TENM4: variants seen among roughly 807,000 people sequenced by gnomAD.
TENM4 encodes the protein teneurin-4.
TENM4 carries 82 observed loss-of-function variants against 243.3 expected under a neutral mutation model. That is an observed-to-expected ratio of 0.34 (90% CI 0.28 to 0.40). The LOEUF (loss-of-function observed/expected upper bound fraction) is 0.40. Ranked by LOEUF, TENM4 falls within the 10% of genes least tolerant of loss-of-function variation. The pLI, the probability that TENM4 is intolerant of heterozygous loss-of-function variation, is 1.00. For synonymous variants in TENM4, 1,412 were observed against 1,456.3 expected (o/e 0.97, Z 0.69); for missense variants, 3,138 against 3,673.3 (o/e 0.85, Z 3.77).
At chr11:79,361,486 C>A (rs1857588260) in intron 1 of TENM4, among the ~76,000 whole-genome samples, 2 of 152,318 alleles carry the variant, frequency 1.3e-5, no homozygotes, top group South Asian at 2.1e-4. Context: ...CTTCTCTTCA[C>A]CCCTTAGACT....
chr11:79,306,835 C>T (rs575358863), intron 1 of TENM4, among the ~76,000 whole-genome samples: 1 of 152,224 alleles, frequency 6.6e-6, no homozygotes, highest in East Asian at 1.9e-4. Flanking sequence ...CCAATGATGC[C>T]CCCTCTGTAC....
At chr11:78,842,605 G>C (rs1264521698) in intron 12 of TENM4, among the ~76,000 whole-genome samples, 1 of 152,206 alleles carries the variant, frequency 6.6e-6, no homozygotes, top group Non-Finnish European at 1.5e-5. Flanking sequence ...TCATTTTCCA[G>C]GCTCTCCTCT....
intron 1 of TENM4, among the ~76,000 whole-genome samples, chr11:79,411,750 A>C (rs752119736): frequency 1.3e-5 from 2 of 152,208 alleles, no homozygotes; most frequent in Non-Finnish European, 2.9e-5. Context: ...AAGCTCAGGA[A>C]GAATTTGTTC....
Position 78,854,178 on chromosome 11 carries a change from G to A in TENM4, c.1607C>T (p.Ser536Leu). 6.4e-7 allele frequency: 1 copy of A among 1,551,716 alleles called. No homozygotes were observed. The highest frequency in any genetic ancestry group is 8.7e-7 in the Non-Finnish European group (1 of 1,146,970). ...HETGFIQYLD[S>L]GIWHLAFYND... The stretch of plus-strand genomic sequence containing the variant: ...GTAAAAAGCCAAGTGCCAGATTCCT[G>A]AATCCAAATACTGGATGAAGCCTGT... Residue 536 changes from serine (S) to leucine (L), a missense_variant, in exon 12 of 34, where the codon TCA (serine) becomes TTA (leucine). This residue lies in a region of TENM4 where 2,467 missense variants were observed against 3,059.1 expected (regional missense o/e 0.81). Coordinates refer to ENST00000278550, the MANE Select transcript of TENM4 (RefSeq NM_001098816.3).
At chr11:78,929,148 C>T (rs1189401032) in intron 6 of TENM4, among the ~76,000 whole-genome samples, 1 of 152,140 alleles carries the variant, frequency 6.6e-6, no homozygotes, top group Non-Finnish European at 1.5e-5. Flanking sequence ...GCCCCATTTG[C>T]CTATAAATCT....
rs187997003 is a variant in TENM4 at position 79,314,507 on chromosome 11, G to A, written c.-320-16964C>T. ...GCTCCAGCACAACCCTGGATCTAGC[G>A]CAGACCCCAACAGGGGAAAACAAGA... On this transcript the variant is annotated intron_variant, in intron 1 of 33. Transcript: ENST00000278550. Among the ~76,000 whole-genome samples the A allele has an allele frequency of 6.6e-5, 10 of 152,232 alleles. 1 individual carries two copies. The highest frequency in any genetic ancestry group is 3.9e-4 in the East Asian group (2 of 5,160).
chr11:79,393,877 G>C (rs1385741577), intron 1 of TENM4, among the ~76,000 whole-genome samples: 2 of 152,218 alleles, frequency 1.3e-5, no homozygotes, highest in South Asian at 4.1e-4. Context: ...GCAGATGGCT[G>C]TCTGGCTCTG....
chr11:79,198,334 A>G (rs1863674597), intron 3 of TENM4, among the ~76,000 whole-genome samples: 1 of 152,100 alleles, frequency 6.6e-6, no homozygotes, highest in South Asian at 2.1e-4. Flanking sequence ...CATAAACTAA[A>G]CAAGTGTCCA....
intron 6 of TENM4, among the ~76,000 whole-genome samples, chr11:78,933,680 G>A (rs1040941244): frequency 1.3e-5 from 2 of 152,170 alleles, no homozygotes; most frequent in Non-Finnish European, 2.9e-5. Context: ...GGTTCACTCT[G>A]GGGAGGCAGT....
At position 79,060,230 on chromosome 11, in the gene TENM4, A is replaced by G. The variant is rs562901934; in HGVS notation, c.493+4508T>C. On this transcript the variant is annotated intron_variant, in intron 6 of 33. Coordinates refer to ENST00000278550, the MANE Select transcript of TENM4 (RefSeq NM_001098816.3). ...GCCTGTTGGCCTCTCACGGCAGGGG[A>G]GGAGAGGCCTGAGGGCTGGCTCTGC... 1.8e-3 allele frequency among the ~76,000 whole-genome samples: 267 copies of G among 152,310 alleles called. 2 individuals carry two copies. The highest frequency in any genetic ancestry group is 6.2e-3 in the African/African-American group (257 of 41,572).
chr11:78,763,227 T>C (rs1391307384), intron 18 of TENM4, among the ~76,000 whole-genome samples: 4 of 152,234 alleles, frequency 2.6e-5, no homozygotes, highest in African/African-American at 9.6e-5. Context: ...AATTTCATTT[T>C]TCCTCATAGT....
intron 6 of TENM4, among the ~76,000 whole-genome samples, chr11:78,971,878 C>T (rs865793721): frequency 2.0e-5 from 3 of 151,994 alleles, no homozygotes; most frequent in Admixed American, 1.3e-4. Flanking sequence ...TGATATCACA[C>T]AGATATTGTA....
intron 1 of TENM4, among the ~76,000 whole-genome samples, chr11:79,391,869 A>C (rs1191806886): frequency 5.3e-5 from 8 of 152,222 alleles, no homozygotes; most frequent in Non-Finnish European, 1.2e-4. Flanking sequence ...TATTATTTCT[A>C]TGGGACAGCT....
chr11:79,436,831 C>G (rs550970218), intron 1 of TENM4, among the ~76,000 whole-genome samples: 1 of 152,298 alleles, frequency 6.6e-6, no homozygotes, highest in Admixed American at 6.5e-5. Context: ...AAAACCAAAG[C>G]TCTCCGTCCC....
intron 6 of TENM4, among the ~76,000 whole-genome samples, chr11:78,923,551 T>G (rs1050848933): frequency 2.0e-4 from 30 of 152,104 alleles, no homozygotes; most frequent in African/African-American, 7.2e-4. Context: ...TTATTTTTAT[T>G]TTTTGAGACA....
At chr11:78,900,785 C>T (rs1221851809) in intron 7 of TENM4, among the ~76,000 whole-genome samples, 1 of 152,170 alleles carries the variant, frequency 6.6e-6, no homozygotes, top group African/African-American at 2.4e-5. Flanking sequence ...ATTCTGTCCA[C>T]CTTGCCAAGG....
intron 2 of TENM4, among the ~76,000 whole-genome samples, chr11:79,254,324 A>T (rs1855664110): frequency 6.6e-6 from 1 of 152,252 alleles, no homozygotes; most frequent in Non-Finnish European, 1.5e-5. Flanking sequence ...TGCAGCAGTT[A>T]ACAAGAGTAA....
At chr11:79,334,725 C>T (rs1483703710) in intron 1 of TENM4, among the ~76,000 whole-genome samples, 1 of 152,222 alleles carries the variant, frequency 6.6e-6, no homozygotes, top group African/African-American at 2.4e-5. Flanking sequence ...ATGCTGCCAA[C>T]AATCTTATGA....
At chr11:78,873,831 GT>G (rs1455889386) in intron 9 of TENM4, among the ~76,000 whole-genome samples, 3 of 152,110 alleles carry the variant, frequency 2.0e-5, no homozygotes, top group Admixed American at 6.5e-5. Context: ...GTCTCACTTT[GT>G]GTGGATTTCT....
Sources: allele counts gnomAD v4.1 joint callset (sites outside exome capture counted in the v4.1 genomes callset), GRCh38; gene constraint gnomAD v4.1.1; regional missense constraint gnomAD v4.1.1; transcripts MANE v1.5; gene names NCBI Gene and HGNC (gene_info 2026-07-23, HGNC 2026-07-21).